Variants in GPBP1 observed in about 807,000 individuals in gnomAD.
GPBP1 encodes the protein GC-rich promoter binding protein 1.
In GPBP1, 13 loss-of-function variants were observed where a neutral mutation model predicts 56.5. The observed-to-expected ratio is 0.23, with a 90% confidence interval of 0.15 to 0.37. GPBP1 has a LOEUF of 0.37. Among genes scored for constraint, GPBP1 ranks in the 10% least tolerant of loss-of-function variants. The probability of loss-of-function intolerance (pLI) is 1.00; values close to 1 mark genes in which losing one functional copy is unlikely to be tolerated. For synonymous variants in GPBP1, 204 were observed against 188.9 expected (o/e 1.08, Z -0.66); for missense variants, 477 against 572.3 (o/e 0.83, Z 1.70).
chr5:57,190,806 A>G (rs112978524), intron 2 of GPBP1, among the ~76,000 whole-genome samples: 2,708 of 147,228 alleles, frequency 0.018, 77 homozygotes, highest in African/African-American at 0.065. Context: ...TCCTGGGCTC[A>G]AGCAATCTTC....
intron 3 of GPBP1, among the ~76,000 whole-genome samples, chr5:57,218,133 T>G (rs1755780346): frequency 6.6e-6 from 1 of 152,140 alleles, no homozygotes; most frequent in Non-Finnish European, 1.5e-5. Flanking sequence ...TATAACCACA[T>G]AATTTGGATT....
intron 10 of GPBP1, among the ~76,000 whole-genome samples, chr5:57,252,408 C>T (rs968972573): frequency 5.3e-5 from 8 of 152,062 alleles, no homozygotes; most frequent in South Asian, 2.1e-4. Context: ...ATTTATTTTT[C>T]GAGACAGTGT....
chr5:57,200,441 C>T (rs1176597452), intron 2 of GPBP1, among the ~76,000 whole-genome samples: 2 of 139,044 alleles, frequency 1.4e-5, no homozygotes, highest in African/African-American at 5.4e-5. Context: ...GATCTCGGCT[C>T]ACTGCCACCT....
chr5:57,220,991 A>G (rs573463781), intron 3 of GPBP1, among the ~76,000 whole-genome samples: 1 of 152,250 alleles, frequency 6.6e-6, no homozygotes, highest in Non-Finnish European at 1.5e-5. Context: ...TGGAACAGAC[A>G]TTAATTAGTA....
chr5:57,223,815 A>T (rs1272296088), intron 3 of GPBP1, among the ~76,000 whole-genome samples: 4 of 149,276 alleles, frequency 2.7e-5, no homozygotes, highest in Non-Finnish European at 5.9e-5. Flanking sequence ...ATTTTAAAAA[A>T]TATATATATT....
rs1345886063 is a variant in GPBP1, at chr5:57,251,057, C to T, written c.1076C>T (p.Ala359Val). The T allele has an allele frequency of 2.5e-6, 4 of 1,613,292 alleles. No homozygotes were observed. In the Admixed American group the frequency reaches 6.7e-5, roughly 27 times the overall value. The change falls in exon 10 of 12, where the codon GCC (alanine) becomes GTC (valine). Residue 359 changes from alanine to valine, a missense_variant. Transcript: ENST00000506184. ...GAAATTCCTCAAGAGAATGGCAATG[C>T]CTCAGTGATTTCCCAGCAGATCATT... ...ENEIPQENGN[A>V]SVISQQIIRS... is the part of the protein sequence containing the mutation.
chr5:57,223,700 C>A (rs976447308), intron 3 of GPBP1, among the ~76,000 whole-genome samples: 1 of 150,898 alleles, frequency 6.6e-6, no homozygotes, highest in Non-Finnish European at 1.5e-5. Context: ...TCTTCATAGT[C>A]GCTTCTGGGT....
At chr5:57,238,600 C>G (rs1206678108) in intron 6 of GPBP1, among the ~76,000 whole-genome samples, 2 of 152,064 alleles carry the variant, frequency 1.3e-5, no homozygotes, top group South Asian at 4.1e-4. Context: ...GGCTACTGAT[C>G]ATGTGTTTTT....
At chr5:57,221,310 T>C in intron 3 of GPBP1, 2 of 1,136,998 alleles carry the variant, frequency 1.8e-6, no homozygotes, top group East Asian at 4.8e-5. Context: ...TCTTTTGTGA[T>C]TTTCTAGTTT....
intron 10 of GPBP1, among the ~76,000 whole-genome samples, chr5:57,253,711 T>C (rs566318026): frequency 6.6e-6 from 1 of 152,378 alleles, no homozygotes; most frequent in South Asian, 2.1e-4. Context: ...TTTTTATTTC[T>C]AATTTTTTCA....
intron 2 of GPBP1, among the ~76,000 whole-genome samples, chr5:57,200,114 TGCCTCACCCGTCCCC>T (rs1754942310): frequency 7.3e-6 from 1 of 137,578 alleles, no homozygotes; most frequent in Admixed American, 7.8e-5. Flanking sequence ...CACCTCACCT[TGCCTCACCCGTCCCC>T]GCCCCGCCCC....
rs1197782839 is a variant in GPBP1, at chr5:57,176,134, A to G, written c.-324A>G. 5.0e-6 allele frequency: 2 copies of G among 397,100 alleles called. No individual in the cohort carries two copies. The highest frequency in any genetic ancestry group is 4.4e-6 in the Non-Finnish European group (1 of 225,424). 24.6% of individuals were successfully genotyped at this position (397,100 alleles called of 1,614,324 possible). A position where few individuals can be genotyped will look rare whatever the true frequency, so the allele number is the denominator to read the frequency against. On this transcript the variant is annotated 5_prime_UTR_variant, in exon 2 of 12. Transcript: ENST00000506184. The stretch of plus-strand genomic sequence containing the variant: ...GATATTTCATCTGGAGTGGACAAGT[A>G]CAACAGTGGCAAGTACATGGAATAA...
At chr5:57,222,616 G>A (rs947185837) in intron 3 of GPBP1, among the ~76,000 whole-genome samples, 1 of 151,916 alleles carries the variant, frequency 6.6e-6, no homozygotes, top group African/African-American at 2.4e-5. Flanking sequence ...AACTTTTGTT[G>A]AGTGGATCTA....
rs761422804 is a variant in GPBP1 at position 57,256,117 on chromosome 5, G to A, written c.1160+4976G>A. Among the ~76,000 whole-genome samples the A allele has an allele frequency of 8.4e-4, 128 of 152,110 alleles. 2 individuals are homozygous for A. Among genetic ancestry groups the A allele is most frequent in the Admixed American group, 3.9e-4 (6 of 15,280 alleles). On this transcript the variant is annotated intron_variant, in intron 10 of 11. Transcript: ENST00000506184. ...CTAAAAATACAAAAATTAGCTAGGCGTGGTGGCGTGTTCCTGTATTCTCAA... is the reference window on the plus strand; with the variant it reads ...CTAAAAATACAAAAATTAGCTAGGCATGGTGGCGTGTTCCTGTATTCTCAA...
At chr5:57,225,431 T>C (rs1756138348) in intron 3 of GPBP1, among the ~76,000 whole-genome samples, 2 of 148,730 alleles carry the variant, frequency 1.3e-5, no homozygotes, top group South Asian at 4.3e-4. Flanking sequence ...GAGGCGGAGC[T>C]TGCAGTGAGC....
In GPBP1 at chr5:57,231,279, A is replaced by G. The variant is rs1285945753; in HGVS notation, c.369A>G (p.Lys123=). The change falls in exon 5 of 12, where the codon AAA becomes AAG. Residue 123 remains lysine, a synonymous_variant. Coordinates refer to ENST00000506184, the MANE Select transcript of GPBP1 (RefSeq NM_022913.4). ...NNIPDNETGR[K]EDKRERKQFE... is the part of the protein sequence containing the mutation. ...TACCTGACAATGAAACCGGGAGGAA[A>G]GAAGACAAGAGAGAACGCAAACAGT... 3 of 1,613,902 alleles carry G rather than the reference A, an allele frequency of 1.9e-6. No homozygotes were observed. The South Asian group carries it at 3.3e-5, about 18-fold the overall frequency.
intron 2 of GPBP1, among the ~76,000 whole-genome samples, chr5:57,177,007 T>C (rs1753814017): frequency 6.6e-6 from 1 of 152,236 alleles, no homozygotes; most frequent in South Asian, 2.1e-4. Flanking sequence ...GTTTTGTATT[T>C]CAAATTATTT....
chr5:57,191,374 G>A (rs1754518389), intron 2 of GPBP1, among the ~76,000 whole-genome samples: 1 of 152,094 alleles, frequency 6.6e-6, no homozygotes, highest in Non-Finnish European at 1.5e-5. Context: ...AATTACAGGT[G>A]TGAGCCGCCG....
At chr5:57,240,714 C>T (rs1039226220) in intron 6 of GPBP1, among the ~76,000 whole-genome samples, 1 of 152,094 alleles carries the variant, frequency 6.6e-6, no homozygotes, top group African/African-American at 2.4e-5. Context: ...GGCTCTCACA[C>T]CTGTAATCCC....
Sources: gnomAD v4.1 joint callset for allele counts (sites outside exome capture counted in the v4.1 genomes callset) on GRCh38, gnomAD v4.1.1 for gene constraint, MANE v1.5 for transcripts, NCBI Gene and HGNC (gene_info 2026-07-23, HGNC 2026-07-21) for gene names.